The following SGK1 variants were observed in gnomAD, a reference collection of about 807,000 sequenced individuals.
SGK1 encodes the protein serum/glucocorticoid regulated kinase 1, also known as serine/threonine-protein kinase Sgk1.
Under a neutral mutation model 64.2 loss-of-function variants are expected in SGK1, and 26 were observed. The ratio of observed to expected loss-of-function variants is 0.40; its 90% CI spans 0.30 to 0.56. The LOEUF (loss-of-function observed/expected upper bound fraction) is 0.56, where lower values mean the gene tolerates loss of function less well. Among genes scored for constraint, SGK1 ranks in the 20% least tolerant of loss-of-function variants. The probability of loss-of-function intolerance (pLI) is 0.38; values close to 1 mark genes in which losing one functional copy is unlikely to be tolerated. For synonymous variants in SGK1, 265 were observed against 239.7 expected (o/e 1.11, Z -0.98); for missense variants, 519 against 645.6 (o/e 0.80, Z 2.12).
At chr6:134,273,463 G>T (rs1776971358) in intron 1 of SGK1, among the ~76,000 whole-genome samples, 1 of 148,874 alleles carries the variant, frequency 6.7e-6, no homozygotes, top group South Asian at 2.2e-4. Flanking sequence ...CGTAGTGGTG[G>T]GCGCCTGTAG....
chr6:134,236,508 C>T (rs1181983751), intron 2 of SGK1, among the ~76,000 whole-genome samples: 1 of 151,954 alleles, frequency 6.6e-6, no homozygotes. Context: ...GTGCCTGTAG[C>T]CCCAGCTACT....
intron 2 of SGK1, among the ~76,000 whole-genome samples, chr6:134,243,645 A>C (rs928222614): frequency 6.6e-6 from 1 of 152,224 alleles, no homozygotes; most frequent in Non-Finnish European, 1.5e-5. Context: ...CTGGGATTAC[A>C]GGCACGAGCC....
intron 2 of SGK1, among the ~76,000 whole-genome samples, chr6:134,214,172 C>A (rs569786278): frequency 6.6e-6 from 1 of 151,906 alleles, no homozygotes; most frequent in South Asian, 2.1e-4. Flanking sequence ...CCTCCCACCT[C>A]GGCCTCCTAA....
chr6:134,294,488 C>T (rs1396404782), intron 1 of SGK1, among the ~76,000 whole-genome samples: 1 of 152,160 alleles, frequency 6.6e-6, no homozygotes, highest in Non-Finnish European at 1.5e-5. Flanking sequence ...TTGAATTATA[C>T]AGCATTTGTC....
chr6:134,208,463 T>C (rs1775828750), intron 2 of SGK1, among the ~76,000 whole-genome samples: 1 of 152,064 alleles, frequency 6.6e-6, no homozygotes, highest in Admixed American at 6.6e-5. Context: ...ATCTCCGAGA[T>C]TTTGGTGCAC....
intron 1 of SGK1, among the ~76,000 whole-genome samples, chr6:134,314,908 A>G (rs1777656606): frequency 1.3e-5 from 2 of 152,056 alleles, no homozygotes; most frequent in Non-Finnish European, 2.9e-5. Context: ...AATGTGTGGA[A>G]CTTCAACAAT....
intron 2 of SGK1, among the ~76,000 whole-genome samples, chr6:134,237,058 CTT>C (rs56379518): frequency 3.6e-5 from 5 of 138,328 alleles, no homozygotes; most frequent in Admixed American, 7.4e-5. Flanking sequence ...TTTTCTTTTT[CTT>C]TTTTTTTTTT....
At chr6:134,308,911 C>T (rs986636347) in intron 1 of SGK1, among the ~76,000 whole-genome samples, 6 of 151,988 alleles carry the variant, frequency 3.9e-5, no homozygotes, top group African/African-American at 1.5e-4. Context: ...GTGAGCTTAT[C>T]CTCCAGAGAC....
rs13217998 is a variant in SGK1, at chr6:134,185,634, G to A, written c.362-11048C>T. Among the ~76,000 whole-genome samples the A allele has an allele frequency of 7.9e-3, 1,201 of 151,548 alleles. 8 individuals are homozygous for A. The highest frequency in any genetic ancestry group is 0.012 in the Non-Finnish European group (792 of 67,904). Reference sequence around the variant, plus strand: ...AAAACCAATAGGATATATCTAGAGGGAGACAGAGAAAGAGATGGAGAAAGA... The same window carrying A: ...AAAACCAATAGGATATATCTAGAGGAAGACAGAGAAAGAGATGGAGAAAGA... On this transcript the variant is annotated intron_variant, in intron 3 of 13. Transcript: ENST00000367858.
intron 3 of SGK1, chr6:134,174,829 A>C: frequency 6.2e-6 from 10 of 1,613,864 alleles, no homozygotes; most frequent in Non-Finnish European, 7.6e-6. Context: ...GGAGACAGAA[A>C]GACGTTAGCG....
chr6:134,181,654 C>T (rs1181112826), intron 3 of SGK1, among the ~76,000 whole-genome samples: 1 of 151,496 alleles, frequency 6.6e-6, no homozygotes, highest in Non-Finnish European at 1.5e-5. Flanking sequence ...CCAAGTCTCT[C>T]CCATTTCTGA....
At chr6:134,194,037 C>T (rs892999361) in intron 3 of SGK1, among the ~76,000 whole-genome samples, 35 of 151,758 alleles carry the variant, frequency 2.3e-4, no homozygotes, top group Admixed American at 1.3e-3. Flanking sequence ...ACTGGGACAA[C>T]GTGAACACGC....
chr6:134,180,691 A>G (rs1775317380), intron 3 of SGK1, among the ~76,000 whole-genome samples: 1 of 151,980 alleles, frequency 6.6e-6, no homozygotes, highest in Admixed American at 6.6e-5. Context: ...TGGGCAACAT[A>G]GTGAGACCCT....
rs1777183139 is a variant in SGK1 at position 134,286,341 on chromosome 6, C to T, written c.70-24193G>A. Among the ~76,000 whole-genome samples, 4 of 152,252 alleles carry T rather than the reference C, an allele frequency of 2.6e-5. No individual in the cohort carries two copies. In the South Asian group the frequency reaches 8.3e-4, roughly 32 times the overall value. On this transcript the variant is annotated intron_variant, in intron 1 of 13. Transcript: ENST00000367858. ...GGCATGGTGGTGCACACCTGTAGTCCCAACTGCTTGGGAGGCTGAGGTAGG... is the reference window on the plus strand; with the variant it reads ...GGCATGGTGGTGCACACCTGTAGTCTCAACTGCTTGGGAGGCTGAGGTAGG...
intron 1 of SGK1, among the ~76,000 whole-genome samples, chr6:134,299,803 CTTT>C (rs10637676): frequency 3.7e-5 from 5 of 133,682 alleles, no homozygotes; most frequent in Admixed American, 1.5e-4. Context: ...ATCCCTGTGA[CTTT>C]TTTTTTTTTT....
intron 1 of SGK1, among the ~76,000 whole-genome samples, chr6:134,302,317 C>T (rs1363782858): frequency 1.3e-5 from 2 of 152,136 alleles, no homozygotes; most frequent in Non-Finnish European, 2.9e-5. Context: ...TGAGATCCTG[C>T]GCAAATGAAA....
chr6:134,172,700 A>G lies in SGK1; in HGVS notation c.909T>C (p.Ser303=). Residue 303 remains serine, a synonymous_variant, in exon 9 of 14, where the codon AGT becomes AGC. Coordinates refer to ENST00000367858, the MANE Select transcript of SGK1 (RefSeq NM_001143676.3). ...RARFYAAEIA[S]ALGYLHSLNI... ...TCAGTGAATGCAGGTAGCCCAAGGC[A>G]CTGGCTATTTCAGCAGCATAGAAAC... 1.2e-6 allele frequency: 2 copies of G among 1,614,010 alleles called. No homozygotes were observed. Among genetic ancestry groups the G allele is most frequent in the African/African-American group, 2.7e-5 (2 of 75,064 alleles).
chr6:134,251,810 A>G (rs1261664832), intron 2 of SGK1, among the ~76,000 whole-genome samples: 2 of 152,170 alleles, frequency 1.3e-5, no homozygotes, highest in Admixed American at 6.6e-5. Flanking sequence ...GCTGGAGTGC[A>G]GTGGTGCAAT....
At chr6:134,287,765 T>C (rs923289649) in intron 1 of SGK1, among the ~76,000 whole-genome samples, 24 of 152,134 alleles carry the variant, frequency 1.6e-4, no homozygotes, top group Non-Finnish European at 3.1e-4. Flanking sequence ...TGTATTTACA[T>C]GTATTAGAGT....
Sources: gnomAD v4.1 joint callset for allele counts (sites outside exome capture counted in the v4.1 genomes callset) on GRCh38, gnomAD v4.1.1 for gene constraint, MANE v1.5 for transcripts, NCBI Gene and HGNC (gene_info 2026-07-23, HGNC 2026-07-21) for gene names.